The following NCAM2 variants were observed in gnomAD, a reference collection of about 807,000 sequenced individuals.
NCAM2 encodes neural cell adhesion molecule 2.
A neutral mutation model predicts 98.1 loss-of-function variants in NCAM2; 30 were observed. The ratio of observed to expected loss-of-function variants is 0.31; its 90% CI spans 0.23 to 0.41. The LOEUF is 0.41. Ranked by LOEUF, NCAM2 falls within the 10% of genes least tolerant of loss-of-function variation. The pLI is 1.00. For synonymous variants in NCAM2, 368 were observed against 342.4 expected, an observed-to-expected ratio of 1.07 and a Z score of -0.83; for missense variants, 867 against 1,005.8, an observed-to-expected ratio of 0.86 and a Z score of 1.87.
intron 6 of NCAM2, among the ~76,000 whole-genome samples, chr21:21,333,938 A>C (rs2074784176): frequency 6.6e-6 from 1 of 152,052 alleles, no homozygotes; most frequent in Non-Finnish European, 1.5e-5. Context: ...ATATATATAA[A>C]AGATACTATA....
At chr21:21,414,854 A>C (rs2076957898) in intron 10 of NCAM2, among the ~76,000 whole-genome samples, 1 of 152,198 alleles carries the variant, frequency 6.6e-6, no homozygotes, top group Non-Finnish European at 1.5e-5. Context: ...TGGGTTAGCC[A>C]GCATGAAAAC....
At chr21:21,472,070 T>C (rs1984510335) in intron 14 of NCAM2, among the ~76,000 whole-genome samples, 1 of 152,064 alleles carries the variant, frequency 6.6e-6, no homozygotes, top group Non-Finnish European at 1.5e-5. Flanking sequence ...CAATGTAACT[T>C]CATATAATTT....
At chr21:21,201,702 A>G (rs577994840) in intron 1 of NCAM2, among the ~76,000 whole-genome samples, 1 of 152,272 alleles carries the variant, frequency 6.6e-6, no homozygotes, top group South Asian at 2.1e-4. Context: ...AATGAAGTAG[A>G]TAATGTAAAG....
intron 10 of NCAM2, among the ~76,000 whole-genome samples, chr21:21,411,112 GTATATA>G (rs376579207): frequency 1.8e-4 from 5 of 28,194 alleles, no homozygotes; most frequent in Non-Finnish European, 4.4e-4. Flanking sequence ...ACATATATAT[GTATATA>G]TATATACACA....
intron 16 of NCAM2, among the ~76,000 whole-genome samples, chr21:21,519,285 T>A (rs558495663): frequency 6.6e-6 from 1 of 152,076 alleles, no homozygotes; most frequent in Non-Finnish European, 1.5e-5. Flanking sequence ...TTATTGGACA[T>A]AATAGGTTTA....
intron 11 of NCAM2, among the ~76,000 whole-genome samples, chr21:21,430,394 TTATA>T (rs548093741): frequency 8.0e-6 from 1 of 124,958 alleles, no homozygotes; most frequent in African/African-American, 2.9e-5. Flanking sequence ...TCAGTCAAGT[TTATA>T]TATATTAGCC....
chr21:21,230,575 C>G (rs576549066), intron 1 of NCAM2, among the ~76,000 whole-genome samples: 1 of 151,202 alleles, frequency 6.6e-6, no homozygotes, highest in African/African-American at 2.4e-5. Flanking sequence ...CTCTCTTTCC[C>G]ACTCTCATCT....
intron 1 of NCAM2, among the ~76,000 whole-genome samples, chr21:21,051,141 T>A (rs1448993065): frequency 1.3e-5 from 2 of 152,192 alleles, no homozygotes; most frequent in East Asian, 3.9e-4. Context: ...CTCTAGATGG[T>A]CCCATGTCCG....
chr21:21,431,549 A>ATAATGAAATGG (rs2077344432), intron 11 of NCAM2, among the ~76,000 whole-genome samples: 1 of 152,138 alleles, frequency 6.6e-6, no homozygotes, highest in Non-Finnish European at 1.5e-5. Flanking sequence ...TTAATTGGAT[A>ATAATGAAATGG]ATATATAAAT....
chr21:21,531,924 G>A (rs536361961), intron 16 of NCAM2, among the ~76,000 whole-genome samples: 64 of 246 alleles, frequency 0.26, no homozygotes, highest in East Asian at 0.5. Flanking sequence ...ACCCAGGAGC[G>A]GAGCTTGGCA....
In NCAM2 at chr21:21,409,607, G is replaced by C. The variant is rs912141241; in HGVS notation, c.1196-667G>C. Among the ~76,000 whole-genome samples the C allele has an allele frequency of 2.0e-5, 3 of 152,088 alleles. No individual in the cohort carries two copies. In the East Asian group the frequency reaches 5.8e-4, roughly 29 times the overall value. ...TTTTATCCTAAACTCTCACTTTATA[G>C]TTTGTTCCAGAAATAGTTTCTACAC... On this transcript the variant is annotated intron_variant, in intron 9 of 17. Transcript: ENST00000400546.
In NCAM2 at chr21:21,252,126, A is replaced by C. The variant is rs1433441275; in HGVS notation, c.56-28452A>C. Among the ~76,000 whole-genome samples the C allele has an allele frequency of 2.0e-5, 3 of 152,114 alleles. No homozygotes were observed. In the East Asian group the frequency reaches 5.8e-4, roughly 29 times the overall value. On this transcript the variant is annotated intron_variant, in intron 1 of 17. Transcript: ENST00000400546. ...GCTTAACATTACTGGTTATTAGAGA[A>C]ATGCAAATCAAAACCACAATGAGAT...
At chr21:21,441,020 C>A (rs12106370) in intron 12 of NCAM2, among the ~76,000 whole-genome samples, 5,235 of 152,188 alleles carry the variant, frequency 0.034, 296 homozygotes, top group African/African-American at 0.12. Context: ...TTCTTCATAA[C>A]CCTGTAGTCT....
intron 1 of NCAM2, among the ~76,000 whole-genome samples, chr21:21,173,988 A>G (rs2068202514): frequency 1.3e-5 from 2 of 152,102 alleles, no homozygotes; most frequent in South Asian, 2.1e-4. Context: ...CAGTGGCGCA[A>G]TCTCAGCTCA....
intron 9 of NCAM2, among the ~76,000 whole-genome samples, chr21:21,396,973 T>A (rs2076522496): frequency 6.6e-6 from 1 of 152,138 alleles, no homozygotes; most frequent in South Asian, 2.1e-4. Flanking sequence ...ATTCTGCAGA[T>A]CCTGAGTTCT....
intron 16 of NCAM2, among the ~76,000 whole-genome samples, chr21:21,516,185 T>G (rs1298642288): frequency 6.6e-6 from 1 of 152,166 alleles, no homozygotes; most frequent in East Asian, 1.9e-4. Flanking sequence ...CGTGTCTGGC[T>G]TCTTACAGAA....
intron 9 of NCAM2, among the ~76,000 whole-genome samples, chr21:21,396,751 G>C (rs997912172): frequency 5.3e-5 from 8 of 152,180 alleles, no homozygotes; most frequent in Non-Finnish European, 1.0e-4. Context: ...ATCTGGACCA[G>C]GGGAATGCAG....
At chr21:21,396,639 C>T (rs2076514515) in intron 9 of NCAM2, among the ~76,000 whole-genome samples, 5 of 152,200 alleles carry the variant, frequency 3.3e-5, no homozygotes, top group Admixed American at 3.3e-4. Flanking sequence ...CTGGGCCCAG[C>T]CAGGCACTTC....
At position 21,438,198 on chromosome 21, in the gene NCAM2, G is replaced by A. The variant is rs1201899144; in HGVS notation, c.1654+5917G>A. ...CTTTTCCTTGGTAGTAAATATATAT[G>A]ATTTTGAATACACTTATTGATGTGT... On this transcript the variant is annotated intron_variant, in intron 12 of 17. Coordinates refer to ENST00000400546, the MANE Select transcript of NCAM2 (RefSeq NM_004540.5). 4.6e-5 allele frequency among the ~76,000 whole-genome samples: 7 copies of A among 151,756 alleles called. No homozygotes were observed. In the East Asian group the frequency reaches 1.4e-3, roughly 29 times the overall value.
Sources: allele counts gnomAD v4.1 joint callset (sites outside exome capture counted in the v4.1 genomes callset), GRCh38; gene constraint gnomAD v4.1.1; transcripts MANE v1.5; gene names NCBI Gene and HGNC (gene_info 2026-07-23, HGNC 2026-07-21).